The following ZNF311 variants were observed in gnomAD, a reference collection of about 807,000 sequenced individuals.
ZNF311 encodes the protein zinc finger protein 311, also known as zinc finger protein zfp31.
In ZNF311, 14 loss-of-function variants were observed where a neutral mutation model predicts 22.7. The ratio of observed to expected loss-of-function variants is 0.62; its 90% CI spans 0.41 to 0.96. ZNF311 has a LOEUF of 0.96. Among genes scored for constraint, ZNF311 ranks in the 40% least tolerant of loss-of-function variants. ZNF311 has a pLI of 0.00. For missense variants in ZNF311, 731 were observed against 799.0 expected (o/e 0.91, Z 1.03); for synonymous variants, 250 against 275.3 (o/e 0.91, Z 0.91).
intron 6 of ZNF311, among the ~76,000 whole-genome samples, chr6:28,997,300 A>C (rs1375165727): frequency 6.6e-6 from 1 of 152,174 alleles, no homozygotes; most frequent in Non-Finnish European, 1.5e-5. Context: ...ACTCACAAAG[A>C]AGCAGGGAAT....
rs748562958 is a variant in ZNF311 at position 28,996,485 on chromosome 6, T to C, written c.517A>G (p.Lys173Glu). ...AYWMKFNSLL[K>E]VDSRDPKVRE... ...ACCTTAGGATCCCGGGAATCAACTT[T>C]TAGGAGACTGTTAAATTTCATCCAG... Residue 173 changes from lysine to glutamate, a missense_variant, in exon 7 of 7, where the codon AAA becomes GAA. Coordinates refer to ENST00000377179, the MANE Select transcript of ZNF311 (RefSeq NM_001382360.1). 7.5e-6 allele frequency: 12 copies of C among 1,608,190 alleles called. No individual in the cohort carries two copies. The highest frequency in any genetic ancestry group is 1.7e-5 in the Admixed American group (1 of 60,006).
Position 28,994,924 on chromosome 6 carries a change from G to C in ZNF311, c.*77C>G. 7.0e-7 allele frequency: 1 copy of C among 1,427,294 alleles called. No homozygotes were observed. Among genetic ancestry groups the C allele is most frequent in the Non-Finnish European group, 9.2e-7 (1 of 1,083,236 alleles). 88.4% of individuals were successfully genotyped at this position (1,427,294 alleles called of 1,614,324 possible). A position where few individuals can be genotyped will look rare whatever the true frequency, so the allele number is the denominator to read the frequency against. The stretch of plus-strand genomic sequence containing the variant: ...CTCACAATTAAGGGTCAGGAAATCA[G>C]GAATAACTAATATAAGAGACAGAAG... On this transcript the variant is annotated 3_prime_UTR_variant, in exon 7 of 7. Transcript: ENST00000377179.
chr6:28,999,387 A>T, intron 5 of ZNF311, 100 bp downstream of exon 5: 1 of 1,154,518 alleles, frequency 8.7e-7, no homozygotes, highest in Non-Finnish European at 1.1e-6. Flanking sequence ...ATAAAGAATA[A>T]GGACTCTTTC....
Position 28,995,812 on chromosome 6 carries a change from C to A in ZNF311, c.1190G>T (p.Ser397Ile). ...GTGTTTGGTGAGGTCTGAACTCCCA[C>A]TGAAGGCCTTCCCGCACTCCTCACA... The part of the protein sequence containing the change: ...YECEECGKAF[S>I]GSSDLTKHIR... Residue 397 changes from serine to isoleucine, a missense_variant, in exon 7 of 7, where the codon AGT (serine) becomes ATT (isoleucine). By Grantham distance (142) the Ser-to-Ile change is moderately radical. Transcript: ENST00000377179. This position sits in a 1 kb window ranked among gnomAD's most constrained non-coding sequence, Gnocchi z 4.7. 6.2e-7 allele frequency: 1 copy of A among 1,614,092 alleles called. No individual in the cohort carries two copies. Among genetic ancestry groups the A allele is most frequent in the Non-Finnish European group, 8.5e-7 (1 of 1,180,036 alleles).
At position 28,996,403 on chromosome 6, in the gene ZNF311, C is replaced by G; in HGVS notation, c.599G>C (p.Arg200Thr). 6.2e-7 allele frequency: 1 copy of G among 1,611,168 alleles called. No homozygotes were observed. The highest frequency in any genetic ancestry group is 8.5e-7 in the Non-Finnish European group (1 of 1,180,022). ...KLENQWETSI[R>T]EKLREEKEGS... ...TTCTTTCTCTTCTCTCAGTTTCTCC[C>G]TTATAGATGTTTCCCATTGATTCTC... The change falls in exon 7 of 7, where the codon AGG becomes ACG. Residue 200 changes from arginine (R) to threonine (T), a missense_variant. Physicochemically the swap from Arg to Thr is moderately conservative, Grantham distance 71 (BLOSUM62 -1). Transcript: ENST00000377179.
Position 28,996,376 on chromosome 6 carries a change from C to G in ZNF311, c.626G>C (p.Gly209Ala). The change falls in exon 7 of 7, where the codon GGC becomes GCC. Residue 209 changes from glycine to alanine, a missense_variant. Transcript: ENST00000377179. Reference sequence around the variant, plus strand: ...TTTTTTGCAGGTCACTTCCTCAGAGCCTTCTTTCTCTTCTCTCAGTTTCTC... The same window carrying G: ...TTTTTTGCAGGTCACTTCCTCAGAGGCTTCTTTCTCTTCTCTCAGTTTCTC... ...IREKLREEKE[G>A]SEEVTCKKGK... is the part of the protein sequence containing the mutation. The G allele has an allele frequency of 6.2e-7, 1 of 1,611,628 alleles. No homozygotes were observed. The highest frequency in any genetic ancestry group is 8.5e-7 in the Non-Finnish European group (1 of 1,179,956).
chr6:29,001,296 C>G lies in ZNF311; in HGVS notation c.92-1249G>C, dbSNP rs369240282. 2.0e-4 allele frequency among the ~76,000 whole-genome samples: 31 copies of G among 152,252 alleles called. No homozygotes were observed. In the East Asian group the frequency reaches 3.5e-3, roughly 17 times the overall value. ...TTTATAATCACCCTTTGGATTTAGA[C>G]CTCCAAGACTATCATTCCATTTTTA... On this transcript the variant is annotated intron_variant, in intron 3 of 6. Transcript: ENST00000377179.
At chr6:29,003,696 C>T in intron 2 of ZNF311, 102 bp from the exon 3 acceptor site, 2 of 1,452,634 alleles carry the variant, frequency 1.4e-6, no homozygotes, top group Non-Finnish European at 9.6e-7. Flanking sequence ...AAACTGTCTC[C>T]CAGAAATACC....
Position 28,996,359 on chromosome 6 carries a change from A to T in ZNF311, c.643T>A (p.Cys215Ser). 1 of 1,611,992 alleles carries T rather than the reference A, an allele frequency of 6.2e-7. No homozygotes were observed. Among genetic ancestry groups the T allele is most frequent in the Non-Finnish European group, 8.5e-7 (1 of 1,179,932 alleles). Residue 215 changes from cysteine (C) to serine (S), a missense_variant, in exon 7 of 7, where the codon TGC (cysteine) becomes AGC (serine). By Grantham distance (112) the Cys-to-Ser change is moderately radical. Coordinates refer to ENST00000377179, the MANE Select transcript of ZNF311 (RefSeq NM_001382360.1). Reference protein sequence around the residue: ...EEKEGSEEVTCKKGKNQKVLS... With the variant: ...EEKEGSEEVTSKKGKNQKVLS... Reference sequence around the variant, plus strand: ...ACTTTCTGGTTCTTTCCTTTTTTGCAGGTCACTTCCTCAGAGCCTTCTTTC... The same window carrying T: ...ACTTTCTGGTTCTTTCCTTTTTTGCTGGTCACTTCCTCAGAGCCTTCTTTC...
At chr6:29,004,439 T>TTGC in intron 1 of ZNF311, among the ~76,000 whole-genome samples, 1 of 33,968 alleles carries the variant, frequency 2.9e-5, no homozygotes. Context: ...GCCTTCCTCC[T>TTGC]TTCTTTTTTT....
intron 4 of ZNF311, 73 bp downstream of exon 4, chr6:28,999,883 C>T (rs1313871766): frequency 3.0e-5 from 44 of 1,475,338 alleles, no homozygotes; most frequent in Non-Finnish European, 4.0e-5. Context: ...AGCCAGAGAA[C>T]GCAGTGAAAA....
Position 28,998,795 on chromosome 6 carries a change from T to G in ZNF311, c.354A>C (p.Arg118=), listed in dbSNP as rs751958102. 25 of 1,612,892 alleles carry G rather than the reference T, an allele frequency of 1.6e-5. No homozygotes were observed. The highest frequency in any genetic ancestry group is 1.6e-4 in the Middle Eastern group (1 of 6,080). The change falls in exon 6 of 7, where the codon CGA becomes CGC. Residue 118 remains arginine, a synonymous_variant. Transcript: ENST00000377179. ...GATCCTGCACACAGGGGTCTACTTC[T>G]CGCTCCAGATGAGAGATTAAAGGAG... is the stretch of plus-strand genomic sequence containing the variant. ...PKPPLISHLE[R]EVDPCVQDPQ... is the part of the protein sequence containing the mutation.
At chr6:28,999,209 TA>T (rs1780078990) in intron 5 of ZNF311, among the ~76,000 whole-genome samples, 1 of 151,136 alleles carries the variant, frequency 6.6e-6, no homozygotes, top group Non-Finnish European at 1.5e-5. Flanking sequence ...GAACACCCCA[TA>T]AAAAAATGAG....
chr6:28,998,896 T>C, intron 5 of ZNF311, 58 bp from the exon 6 acceptor site: 1 of 1,237,608 alleles, frequency 8.1e-7, no homozygotes, highest in Non-Finnish European at 1.2e-6. Context: ...AACTTATAAC[T>C]TAGCTAAGCA....
At chr6:29,004,247 G>A in intron 1 of ZNF311, 33 bp from the exon 2 acceptor site, 1 of 1,355,024 alleles carries the variant, frequency 7.4e-7, no homozygotes, top group Non-Finnish European at 9.5e-7. Context: ...AGAGGAATGT[G>A]ACCACAGGAA....
Position 28,998,838 on chromosome 6 carries a change from C to T in ZNF311, c.311G>A (p.Gly104Glu). 2 of 1,610,862 alleles carry T rather than the reference C, an allele frequency of 1.2e-6. No individual in the cohort carries two copies. The highest frequency in any genetic ancestry group is 1.7e-6 in the Non-Finnish European group (2 of 1,178,306). Residue 104 changes from glycine (G) to glutamate (E), a missense_variant and splice_region_variant, in exon 6 of 7, where the codon GGA (glycine) becomes GAA (glutamate). Gly to Glu is a moderately conservative substitution (Grantham distance 98, BLOSUM62 -2). Coordinates refer to ENST00000377179, the MANE Select transcript of ZNF311 (RefSeq NM_001382360.1). The part of the protein sequence containing the change: ...LENYGNMVSL[G>E]FPFPKPPLIS... The stretch of plus-strand genomic sequence containing the variant: ...TAAAGGAGGTTTAGGAAATGGAAAT[C>T]CTGGTTGCAGAGAAGAAATAAGTGT...
rs774262800 is a variant in ZNF311 at position 28,996,563 on chromosome 6, C to T, written c.439G>A (p.Glu147Lys). The change falls in exon 7 of 7, where the codon GAG (glutamate) becomes AAG (lysine). Residue 147 changes from glutamate (E) to lysine (K), a missense_variant. Glu to Lys is a moderately conservative substitution (Grantham distance 56). Coordinates refer to ENST00000377179, the MANE Select transcript of ZNF311 (RefSeq NM_001382360.1). ...TGTTGTGAACTTGCCTTTTCATTCT[C>T]AGGCCACATCTTGTCAGCTGACACT... ...YPVSADKMWP[E>K]NEKASSQQEI... 11 of 1,597,432 alleles carry T rather than the reference C, an allele frequency of 6.9e-6. No homozygotes were observed. In the African/African-American group the frequency reaches 1.5e-4, roughly 22 times the overall value.
In ZNF311 at chr6:28,999,591, A is replaced by G. The variant is rs769243340; in HGVS notation, c.206T>C (p.Val69Ala). The G allele has an allele frequency of 6.2e-7, 1 of 1,613,098 alleles. No homozygotes were observed. The highest frequency in any genetic ancestry group is 1.3e-5 in the African/African-American group (1 of 74,898). The change falls in exon 5 of 7, where the codon GTA becomes GCA. Residue 69 changes from valine (V) to alanine (A), a missense_variant. By Grantham distance (64) the Val-to-Ala change is moderately conservative. Coordinates refer to ENST00000377179, the MANE Select transcript of ZNF311 (RefSeq NM_001382360.1). ...QAQESVTFED[V>A]AVNFTNREWQ... ...CTCCCTGTTAGTGAAGTTCACAGCT[A>G]CATCCTCAAATGTCACTGACTCCTG...
rs753483391 is a variant in ZNF311, at chr6:28,995,200, T to C, written c.1802A>G (p.His601Arg). Residue 601 changes from histidine (H) to arginine (R), a missense_variant, in exon 7 of 7, where the codon CAT becomes CGT. Coordinates refer to ENST00000377179, the MANE Select transcript of ZNF311 (RefSeq NM_001382360.1). This position sits in a 1 kb window ranked among gnomAD's most constrained non-coding sequence, Gnocchi z 4.7. ...SFRQGSALIG[H>R]KRVHTGEKPY... ...TTTCTCCCCAGTATGAACTCGCTTA[T>C]GTCCAATCAGAGCTGAGCCCTGACG... The C allele has an allele frequency of 9.3e-6, 15 of 1,614,032 alleles. No individual in the cohort carries two copies. In the South Asian group the frequency reaches 1.6e-4, roughly 18 times the overall value.
Sources: gnomAD v4.1 joint callset for allele counts (sites outside exome capture counted in the v4.1 genomes callset) on GRCh38, gnomAD v4.1.1 for gene constraint, Gnocchi (gnomAD v3.1) non-coding constraint, MANE v1.5 for transcripts, NCBI Gene and HGNC (gene_info 2026-07-23, HGNC 2026-07-21) for gene names.